LPP: variants seen among roughly 807,000 people sequenced by gnomAD.
LPP encodes LIM domain containing preferred translocation partner in lipoma, also known as lipoma-preferred partner.
Under a neutral mutation model 60.4 loss-of-function variants are expected in LPP, and 38 were observed. That is an observed-to-expected ratio of 0.63 (90% CI 0.49 to 0.83). The LOEUF is 0.83. Ranked by LOEUF, LPP falls within the 40% of genes least tolerant of loss-of-function variation. The probability of loss-of-function intolerance (pLI) is 0.00; values close to 1 mark genes in which losing one functional copy is unlikely to be tolerated. For missense variants in LPP, 902 were observed against 783.6 expected (o/e 1.15, Z -1.80); for synonymous variants, 328 against 290.8 (o/e 1.13, Z -1.30).
intron 1 of LPP, chr3:188,212,588 G>C (rs1711656865): frequency 6.6e-6 from 1 of 152,248 alleles, no homozygotes; most frequent in Non-Finnish European, 1.5e-5. Flanking sequence ...AGGTGACTCA[G>C]GGTTTAGGAG....
At position 188,196,691 on chromosome 3, in the gene LPP, A is replaced by G. The variant is rs191628376; in HGVS notation, c.-189-28714A>G. On this transcript the variant is annotated intron_variant, in intron 1 of 11. Transcript: ENST00000617246. ...AAATCCTTCAATGCTTTCCTCATTCAGGGCAAATTAAGAATCCTTTGCATG... is the reference window on the plus strand; with the variant it reads ...AAATCCTTCAATGCTTTCCTCATTCGGGGCAAATTAAGAATCCTTTGCATG... Among the ~76,000 whole-genome samples the G allele has an allele frequency of 3.4e-3, 524 of 152,300 alleles. 2 individuals carry two copies. The highest frequency in any genetic ancestry group is 0.012 in the African/African-American group (497 of 41,548).
At chr3:188,353,403 C>T (rs1399483448) in intron 3 of LPP, among the ~76,000 whole-genome samples, 1 of 152,128 alleles carries the variant, frequency 6.6e-6, no homozygotes, top group Non-Finnish European at 1.5e-5. Context: ...AATGTTCTCA[C>T]CGAATTAGAT....
At chr3:188,176,741 AGAAGTCACTGAAC>A (rs1723150698) in intron 1 of LPP, among the ~76,000 whole-genome samples, 1 of 152,256 alleles carries the variant, frequency 6.6e-6, no homozygotes, top group Non-Finnish European at 1.5e-5. Flanking sequence ...TAGGACTGCA[AGAAGTCACTGAAC>A]ATATACCTGG....
chr3:188,394,149 G>A (rs1371230572), intron 3 of LPP, among the ~76,000 whole-genome samples: 1 of 152,118 alleles, frequency 6.6e-6, no homozygotes, highest in Non-Finnish European at 1.5e-5. Context: ...TTTTTAAAGA[G>A]GGGAAGAACT....
chr3:188,636,371 C>T (rs933609483), intron 7 of LPP, among the ~76,000 whole-genome samples: 9 of 152,150 alleles, frequency 5.9e-5, no homozygotes, highest in Non-Finnish European at 8.8e-5. Context: ...CGGTGCACCA[C>T]GAGATTATAT....
chr3:188,248,765 A>G (rs1479934), intron 2 of LPP, among the ~76,000 whole-genome samples: 91,738 of 151,476 alleles, frequency 0.61, 28,262 homozygotes, highest in Middle Eastern at 0.7. Flanking sequence ...ATTTTGACAA[A>G]GAAGAAAGCT....
intron 7 of LPP, among the ~76,000 whole-genome samples, chr3:188,693,312 G>T (rs1247057869): frequency 6.6e-6 from 1 of 152,146 alleles, no homozygotes; most frequent in African/African-American, 2.4e-5. Flanking sequence ...GTACAGTGGG[G>T]CAGCCAGAGT....
chr3:188,215,613 C>T (rs1358053093), intron 1 of LPP, among the ~76,000 whole-genome samples: 2 of 152,166 alleles, frequency 1.3e-5, no homozygotes, highest in African/African-American at 4.8e-5. Context: ...CAGAATTTCT[C>T]CTTTTTAAGG....
rs192303634 is a variant in LPP at position 188,869,792 on chromosome 3, C to T, written c.1590-2851C>T. ...TGTTTTTGAGAACTTGTTAATGGACCATCCTCTACATAAACACCTTTGGTC... is the reference window on the plus strand; with the variant it reads ...TGTTTTTGAGAACTTGTTAATGGACTATCCTCTACATAAACACCTTTGGTC... On this transcript the variant is annotated intron_variant, in intron 10 of 11. Transcript: ENST00000617246. Among the ~76,000 whole-genome samples the T allele has an allele frequency of 1.1e-3, 170 of 152,286 alleles. 2 individuals carry two copies. Among genetic ancestry groups the T allele is most frequent in the Non-Finnish European group, 1.8e-4 (12 of 68,022 alleles).
chr3:188,789,771 C>T (rs1294973961), intron 9 of LPP, among the ~76,000 whole-genome samples: 2 of 151,990 alleles, frequency 1.3e-5, no homozygotes, highest in African/African-American at 4.8e-5. Context: ...AAAGAGTGAA[C>T]CTATCAACAG....
chr3:188,348,609 T>G (rs1765023974), intron 3 of LPP, among the ~76,000 whole-genome samples: 3 of 152,224 alleles, frequency 2.0e-5, no homozygotes, highest in Non-Finnish European at 4.4e-5. Flanking sequence ...CAGTTGTAAG[T>G]CTCTTGCTTC....
intron 4 of LPP, among the ~76,000 whole-genome samples, chr3:188,471,037 A>C (rs532265393): frequency 6.6e-6 from 1 of 152,342 alleles, no homozygotes; most frequent in Non-Finnish European, 1.5e-5. Flanking sequence ...TGGGAGGCTC[A>C]GAACAGACGT....
At chr3:188,266,551 A>G (rs13317389) in intron 2 of LPP, among the ~76,000 whole-genome samples, 6,552 of 149,148 alleles carry the variant, frequency 0.044, 195 homozygotes, top group Non-Finnish European at 0.068. Flanking sequence ...GACGGGGAAG[A>G]CAGAGAGAGA....
chr3:188,320,707 G>A (rs1756678506), intron 2 of LPP, among the ~76,000 whole-genome samples: 1 of 152,154 alleles, frequency 6.6e-6, no homozygotes, highest in Non-Finnish European at 1.5e-5. Context: ...TAGAAGGTAT[G>A]GAGAGGAAAA....
At chr3:188,570,544 A>C (rs969836209) in intron 6 of LPP, among the ~76,000 whole-genome samples, 4 of 152,096 alleles carry the variant, frequency 2.6e-5, no homozygotes, top group African/African-American at 9.7e-5. Flanking sequence ...AGTACCAGAT[A>C]GGACACGCTA....
chr3:188,174,203 T>C (rs28437086), intron 1 of LPP, among the ~76,000 whole-genome samples: 3,335 of 152,312 alleles, frequency 0.022, 79 homozygotes, highest in African/African-American at 0.055. Flanking sequence ...TCTGTGACAC[T>C]CAGGAATGGA....
intron 3 of LPP, among the ~76,000 whole-genome samples, chr3:188,403,406 G>A (rs190195204): frequency 5.9e-5 from 9 of 152,112 alleles, no homozygotes; most frequent in African/African-American, 1.9e-4. Flanking sequence ...ATTATAAAAT[G>A]ACTTTAGATT....
chr3:188,816,102 T>C (rs1487838789), intron 9 of LPP, among the ~76,000 whole-genome samples: 1 of 152,052 alleles, frequency 6.6e-6, no homozygotes, highest in African/African-American at 2.4e-5. Context: ...TCAGAAACTA[T>C]AACTGATAAA....
At chr3:188,389,576 G>A (rs1779178015) in intron 3 of LPP, among the ~76,000 whole-genome samples, 1 of 152,120 alleles carries the variant, frequency 6.6e-6, no homozygotes, top group African/African-American at 2.4e-5. Flanking sequence ...AGGAGTTCGA[G>A]ACCAGCCTGG....
Sources: allele counts gnomAD v4.1 joint callset (sites outside exome capture counted in the v4.1 genomes callset), GRCh38; gene constraint gnomAD v4.1.1; transcripts MANE v1.5; gene names NCBI Gene and HGNC (gene_info 2026-07-23, HGNC 2026-07-21).